Variants in LOC400499 observed in about 807,000 individuals in gnomAD.
chr16:11,418,833 G>A, the LOC400499 span, among the ~76,000 whole-genome samples: 7 of 152,182 alleles, frequency 4.6e-5, no homozygotes, highest in Non-Finnish European at 1.0e-4. Context: ...GCTGTGAGAT[G>A]TAATTCCCTC....
chr16:11,449,165 G>T, the LOC400499 span: 1 of 1,313,942 alleles, frequency 7.6e-7, no homozygotes, highest in South Asian at 2.0e-5. Flanking sequence ...CCTCCACCTG[G>T]GATACCCTTT....
chr16:11,504,560 C>G, the LOC400499 span, among the ~76,000 whole-genome samples: 78 of 147,292 alleles, frequency 5.3e-4, no homozygotes, highest in East Asian at 6.0e-3. Context: ...CGTCCCCCCC[C>G]CCAAAAAAAA....
the LOC400499 span, chr16:11,471,825 G>A: frequency 1.5e-5 from 6 of 399,236 alleles, no homozygotes; most frequent in Middle Eastern, 6.3e-4. Context: ...ACACTGCAGA[G>A]AGAGGTAAGC....
chr16:11,500,511 A>AAATAATAATAATAATAATAATAATAAT, the LOC400499 span, among the ~76,000 whole-genome samples: 207 of 143,904 alleles, frequency 1.4e-3, no homozygotes, highest in Admixed American at 2.0e-3. Context: ...ACTCCGTCCT[A>AAATAATAATAATAATAATAATAATAAT]AATAATAATA....
chr16:11,396,750 G>A, the LOC400499 span: 3 of 1,166,564 alleles, frequency 2.6e-6, no homozygotes, highest in Non-Finnish European at 2.2e-6. Context: ...CCTGCACCGA[G>A]AATGCAGCAG....
chr16:11,424,662 A>C, the LOC400499 span, among the ~76,000 whole-genome samples: 1 of 152,178 alleles, frequency 6.6e-6, no homozygotes, highest in East Asian at 1.9e-4. Context: ...CAAATCTCAG[A>C]GGGAAACAGG....
At chr16:11,412,852 G>T in the LOC400499 span, 1 of 399,082 alleles carries the variant, frequency 2.5e-6, no homozygotes, top group Non-Finnish European at 4.4e-6. Flanking sequence ...TGACTGCCTG[G>T]TTCTGGCCAC....
the LOC400499 span, chr16:11,500,842 G>A: frequency 1.0e-5 from 4 of 399,066 alleles, no homozygotes; most frequent in African/African-American, 4.1e-5. Flanking sequence ...GGCTGTGGGA[G>A]GAAGGCCAGT....
chr16:11,374,200 T>C, the LOC400499 span, among the ~76,000 whole-genome samples: 888 of 152,330 alleles, frequency 5.8e-3, 5 homozygotes, highest in Non-Finnish European at 7.0e-3. Flanking sequence ...CTGTCTGTGC[T>C]AGCTTTTACT....
At chr16:11,430,015 G>A in the LOC400499 span, among the ~76,000 whole-genome samples, 5 of 152,204 alleles carry the variant, frequency 3.3e-5, no homozygotes, top group East Asian at 1.9e-4. Context: ...CCTTAATCAA[G>A]AGATCAAAGC....
chr16:11,476,880 C>T, the LOC400499 span: 1 of 399,620 alleles, frequency 2.5e-6, no homozygotes, highest in Non-Finnish European at 4.4e-6. Context: ...CGCTGGTCAC[C>T]CACCTCAGCC....
chr16:11,517,487 G>A, the LOC400499 span, among the ~76,000 whole-genome samples: 1 of 152,150 alleles, frequency 6.6e-6, no homozygotes, highest in Admixed American at 6.5e-5. Context: ...CCACATTCTG[G>A]ATGAGGAAAC....
At chr16:11,512,108 C>T in the LOC400499 span, among the ~76,000 whole-genome samples, 1 of 151,732 alleles carries the variant, frequency 6.6e-6, no homozygotes, top group East Asian at 1.9e-4. Flanking sequence ...GATGGTAAAA[C>T]CCCATCACTA....
At chr16:11,479,566 C>T in the LOC400499 span, among the ~76,000 whole-genome samples, 6 of 151,828 alleles carry the variant, frequency 4.0e-5, no homozygotes, top group East Asian at 1.9e-4. Context: ...AAGGCTGTAG[C>T]GAGCTATGAT....
the LOC400499 span, among the ~76,000 whole-genome samples, chr16:11,488,017 T>A: frequency 6.6e-6 from 1 of 151,250 alleles, no homozygotes. Context: ...CTCGGGAGGC[T>A]GAGGTAGAAG....
At chr16:11,410,470 T>C in the LOC400499 span, among the ~76,000 whole-genome samples, 3 of 151,978 alleles carry the variant, frequency 2.0e-5, no homozygotes, top group African/African-American at 7.3e-5. Context: ...AATTTAAAAA[T>C]TAAATAAATA....
the LOC400499 span, chr16:11,396,582 C>T: frequency 2.4e-6 from 3 of 1,232,170 alleles, no homozygotes; most frequent in East Asian, 3.2e-5. Context: ...AGATGCAGGC[C>T]GTGGTCTGGG....
chr16:11,383,866 T>A, the LOC400499 span: 1 of 1,232,108 alleles, frequency 8.1e-7, no homozygotes, highest in Non-Finnish European at 1.0e-6. Context: ...CTGCACCCCA[T>A]GGGCCAGGCT....
At chr16:11,424,002 C>G in the LOC400499 span, 1 of 398,728 alleles carries the variant, frequency 2.5e-6, no homozygotes, top group Non-Finnish European at 4.4e-6. Flanking sequence ...ACCGTCAGCC[C>G]GGCCGCCAGA....
Sources: gnomAD v4.1 joint callset for allele counts (sites outside exome capture counted in the v4.1 genomes callset) on GRCh38, gnomAD v4.1.1 for gene constraint, MANE v1.5 for transcripts.